The following RP1 variants were observed in gnomAD, a reference collection of about 807,000 sequenced individuals.
The protein encoded by RP1 is oxygen-regulated protein 1.
Under a neutral mutation model 14.8 loss-of-function variants are expected in RP1, and 16 were observed. The observed-to-expected ratio is 1.08, with a 90% CI of 0.73 to 1.65. The LOEUF (loss-of-function observed/expected upper bound fraction) is 1.65. Among genes scored for constraint, RP1 ranks in the 40% most tolerant of loss-of-function variants. The probability of loss-of-function intolerance (pLI) is 0.00; values close to 1 mark genes in which losing one functional copy is unlikely to be tolerated. For missense variants in RP1, 2,631 were observed against 2,535.0 expected (o/e 1.04, Z -0.81); for synonymous variants, 876 against 883.6 (o/e 0.99, Z 0.15).
intron 1 of RP1, among the ~76,000 whole-genome samples, chr8:54,582,157 T>C (rs1804807767): frequency 6.6e-6 from 1 of 152,222 alleles, no homozygotes; most frequent in Non-Finnish European, 1.5e-5. Context: ...ACGTCTTTAA[T>C]CCATCTTGAA....
At chr8:54,729,129 T>A (rs946731007) in intron 17 of RP1, among the ~76,000 whole-genome samples, 3 of 152,234 alleles carry the variant, frequency 2.0e-5, no homozygotes, top group Non-Finnish European at 2.9e-5. Flanking sequence ...AGACTTATGA[T>A]TTGATGCTCT....
At chr8:54,680,818 C>T (rs1028006637) in intron 12 of RP1, among the ~76,000 whole-genome samples, 6 of 151,840 alleles carry the variant, frequency 4.0e-5, no homozygotes, top group Non-Finnish European at 8.8e-5. Flanking sequence ...ATTAGCCGGG[C>T]GTGGTGGTGG....
chr8:54,652,573 A>T (rs1034143538), intron 4 of RP1, among the ~76,000 whole-genome samples: 1 of 152,060 alleles, frequency 6.6e-6, no homozygotes, highest in Non-Finnish European at 1.5e-5. Context: ...TCCAACTATT[A>T]TCATAGAGTG....
At chr8:54,568,758 A>G (rs1350388906) in intron 1 of RP1, among the ~76,000 whole-genome samples, 1 of 152,238 alleles carries the variant, frequency 6.6e-6, no homozygotes, top group African/African-American at 2.4e-5. Flanking sequence ...AATGAGAACA[A>G]TCTGAGGATC....
intron 17 of RP1, among the ~76,000 whole-genome samples, chr8:54,726,751 A>G (rs1585639695): frequency 1.3e-5 from 2 of 151,166 alleles, no homozygotes; most frequent in Admixed American, 1.3e-4. Flanking sequence ...CATCAATTGG[A>G]CTATCACCTA....
intron 24 of RP1, among the ~76,000 whole-genome samples, chr8:54,789,002 C>G (rs1356870378): frequency 6.6e-6 from 1 of 152,164 alleles, no homozygotes; most frequent in African/African-American, 2.4e-5. Flanking sequence ...CCCAGCTAGT[C>G]CTAGATGGAC....
At chr8:54,596,343 C>T (rs990563597) in intron 1 of RP1, among the ~76,000 whole-genome samples, 1 of 152,190 alleles carries the variant, frequency 6.6e-6, no homozygotes, top group African/African-American at 2.4e-5. Context: ...TGTAAATCTA[C>T]AATTTCTGGA....
chr8:54,693,135 A>G (rs191431154), intron 12 of RP1, among the ~76,000 whole-genome samples: 1 of 151,814 alleles, frequency 6.6e-6, no homozygotes, highest in Non-Finnish European at 1.5e-5. Context: ...TGTAGATATG[A>G]GGCATTATTT....
At chr8:54,752,247 T>C (rs564907859) in intron 19 of RP1, among the ~76,000 whole-genome samples, 5 of 152,260 alleles carry the variant, frequency 3.3e-5, no homozygotes, top group South Asian at 2.1e-4. Flanking sequence ...ATATTAATCA[T>C]TGAAATAAAT....
chr8:54,759,130 CTGTGTGTGTGTGTGTGTGTGTGTGTGTG>C, intron 22 of RP1: 1 of 767,274 alleles, frequency 1.3e-6, no homozygotes, highest in Non-Finnish European at 1.9e-6. Flanking sequence ...GTGGATGATG[CTGTGTGTGTGTGTGTGTGTGTGTGTGTG>C]TGTGTGTGTG....
At chr8:54,839,453 A>G (rs925295385) in intron 25 of RP1, among the ~76,000 whole-genome samples, 2 of 152,224 alleles carry the variant, frequency 1.3e-5, no homozygotes, top group African/African-American at 4.8e-5. Flanking sequence ...TGATTCGGAT[A>G]GGGGTCCTGT....
intron 1 of RP1, among the ~76,000 whole-genome samples, chr8:54,574,393 G>A (rs16920549): frequency 0.2 from 30,575 of 152,068 alleles, 3,545 homozygotes; most frequent in East Asian, 0.36. Flanking sequence ...AGACAGGAGA[G>A]GAAAGGTCTG....
At chr8:54,619,347 T>G (rs1195375941) in intron 1 of RP1, among the ~76,000 whole-genome samples, 1 of 152,230 alleles carries the variant, frequency 6.6e-6, no homozygotes, top group Non-Finnish European at 1.5e-5. Context: ...GGGCCAGGTT[T>G]ATAGCTGATT....
At chr8:54,696,322 T>C in intron 12 of RP1, 1 of 453,638 alleles carries the variant, frequency 2.2e-6, no homozygotes. Context: ...TAATACAAAA[T>C]GGGCTGTGCT....
chr8:54,708,581 G>C (rs950443275), intron 15 of RP1, among the ~76,000 whole-genome samples: 1 of 151,958 alleles, frequency 6.6e-6, no homozygotes, highest in African/African-American at 2.4e-5. Flanking sequence ...GGATGGTCTC[G>C]ATCTTCTGAC....
At chr8:54,790,466 A>C (rs994340055) in intron 24 of RP1, among the ~76,000 whole-genome samples, 2 of 152,176 alleles carry the variant, frequency 1.3e-5, no homozygotes, top group Non-Finnish European at 2.9e-5. Context: ...CCAAAGAAGA[A>C]TAATAAAGCT....
intron 24 of RP1, among the ~76,000 whole-genome samples, chr8:54,828,863 C>T (rs1193543930): frequency 7.5e-6 from 1 of 133,884 alleles, no homozygotes; most frequent in Admixed American, 7.7e-5. Flanking sequence ...CTTCTTCTTT[C>T]TTCTTTCTTC....
chr8:54,706,443 G>A lies in RP1; in HGVS notation c.1999G>A (p.Gly667Arg), dbSNP rs144110898. Reference sequence around the variant, plus strand: ...TTCTGTTCTGTTTGTTGCTCTGAAGGGGGTGTTCCTCAACAGTGCTGTGGT... The same window carrying A: ...TTCTGTTCTGTTTGTTGCTCTGAAGAGGGTGTTCCTCAACAGTGCTGTGGT... The change falls in exon 15 of 23, where the codon GGG (glycine) becomes AGG (arginine). Residue 667 changes from glycine (G) to arginine (R), a missense_variant and splice_region_variant. Transcript: ENST00000636932. 7.7e-5 allele frequency: 118 copies of A among 1,535,764 alleles called. 1 individual carries two copies. Among genetic ancestry groups the A allele is most frequent in the Non-Finnish European group, 9.9e-5 (113 of 1,146,702 alleles).
intron 24 of RP1, among the ~76,000 whole-genome samples, chr8:54,819,613 G>T (rs752143325): frequency 3.9e-5 from 6 of 152,198 alleles, no homozygotes; most frequent in Non-Finnish European, 8.8e-5. Context: ...TTAAGAGAAG[G>T]CTCTCCAGGT....
Sources: gnomAD v4.1 joint callset for allele counts (sites outside exome capture counted in the v4.1 genomes callset) on GRCh38, gnomAD v4.1.1 for gene constraint, MANE v1.5 for transcripts, NCBI Gene and HGNC (gene_info 2026-07-23, HGNC 2026-07-21) for gene names.